Variants in CNTN5 observed in about 807,000 individuals in gnomAD.
CNTN5 encodes contactin 5, also known as contactin-5.
CNTN5 carries 77 observed loss-of-function variants against 129.1 expected under a neutral mutation model. That is an observed-to-expected ratio of 0.60 (90% CI 0.50 to 0.72). The LOEUF (loss-of-function observed/expected upper bound fraction) is 0.72, where lower values mean the gene tolerates loss of function less well. CNTN5 is among the 30% of genes least tolerant of loss of function. The probability of loss-of-function intolerance (pLI) is 0.00; values close to 1 mark genes in which losing one functional copy is unlikely to be tolerated. For missense variants in CNTN5, 1,478 were observed against 1,328.8 expected (o/e 1.11, Z -1.75); for synonymous variants, 509 against 465.6 (o/e 1.09, Z -1.20).
intron 2 of CNTN5, among the ~76,000 whole-genome samples, chr11:99,442,433 G>A (rs1034585648): frequency 6.6e-6 from 1 of 152,168 alleles, no homozygotes; most frequent in African/African-American, 2.4e-5. Context: ...GCCTCCCAAA[G>A]TGCTGGGATT....
Position 99,963,020 on chromosome 11 carries a change from G to A in CNTN5, c.877+6011G>A, listed in dbSNP as rs1157240747. On this transcript the variant is annotated intron_variant, in intron 8 of 24. Transcript: ENST00000524871. The stretch of plus-strand genomic sequence containing the variant: ...TGATGGGGTTGTTTGTTTATTTCTT[G>A]TAAATTTGTTTGAGTTCATTGTAGA... 3.3e-5 allele frequency among the ~76,000 whole-genome samples: 5 copies of A among 152,156 alleles called. No individual in the cohort carries two copies. The East Asian group carries it at 9.6e-4, about 29-fold the overall frequency.
intron 18 of CNTN5, among the ~76,000 whole-genome samples, chr11:100,295,745 A>T (rs2138877608): frequency 6.6e-6 from 1 of 151,390 alleles, no homozygotes; most frequent in East Asian, 2.0e-4. Flanking sequence ...TAGTCTTTCC[A>T]CAGAAACTTA....
intron 2 of CNTN5, among the ~76,000 whole-genome samples, chr11:99,329,652 C>T (rs1385832235): frequency 6.6e-6 from 1 of 152,116 alleles, no homozygotes. Context: ...TAGATACAGA[C>T]TTCTGCTTAG....
chr11:99,822,485 A>G (rs1183675653), intron 4 of CNTN5, among the ~76,000 whole-genome samples: 2 of 152,192 alleles, frequency 1.3e-5, no homozygotes, highest in African/African-American at 4.8e-5. Context: ...AGTATTATAT[A>G]TAATATGATA....
chr11:99,577,891 A>T (rs1280647783), intron 3 of CNTN5, among the ~76,000 whole-genome samples: 1 of 151,498 alleles, frequency 6.6e-6, no homozygotes, highest in Non-Finnish European at 1.5e-5. Flanking sequence ...GGTTTGTTAC[A>T]TATGTATACA....
At chr11:99,037,229 C>T (rs539475179) in intron 1 of CNTN5, among the ~76,000 whole-genome samples, 1 of 152,252 alleles carries the variant, frequency 6.6e-6, no homozygotes, top group Admixed American at 6.5e-5. Flanking sequence ...TTTTTTTCAC[C>T]AGACTGGTTT....
chr11:99,873,920 A>G (rs1414869131), intron 6 of CNTN5, among the ~76,000 whole-genome samples: 1 of 152,092 alleles, frequency 6.6e-6, no homozygotes, highest in Non-Finnish European at 1.5e-5. Flanking sequence ...AGCAACATGA[A>G]TGGAGTTGGA....
chr11:100,082,109 C>T (rs1433918789), intron 13 of CNTN5, among the ~76,000 whole-genome samples: 1 of 150,376 alleles, frequency 6.6e-6, no homozygotes, highest in African/African-American at 2.5e-5. Flanking sequence ...AAGTACAATA[C>T]AAAAAAATTG....
intron 2 of CNTN5, among the ~76,000 whole-genome samples, chr11:99,385,241 C>T (rs1940854301): frequency 6.6e-6 from 1 of 152,076 alleles, no homozygotes; most frequent in South Asian, 2.1e-4. Context: ...ATCTCCCAAA[C>T]TTATTTCTCT....
At chr11:99,670,518 A>G (rs1952988537) in intron 3 of CNTN5, among the ~76,000 whole-genome samples, 1 of 152,140 alleles carries the variant, frequency 6.6e-6, no homozygotes, top group African/African-American at 2.4e-5. Flanking sequence ...AGACACATAT[A>G]CTTACTCTGC....
At chr11:99,389,187 G>A (rs1174946526) in intron 2 of CNTN5, among the ~76,000 whole-genome samples, 1 of 151,782 alleles carries the variant, frequency 6.6e-6, no homozygotes, top group Admixed American at 6.6e-5. Context: ...GTGCCACCAT[G>A]CCTAGCTAAT....
intron 1 of CNTN5, among the ~76,000 whole-genome samples, chr11:99,217,700 GAGA>G (rs1021624116): frequency 9.2e-5 from 14 of 152,020 alleles, no homozygotes; most frequent in Admixed American, 1.3e-4. Flanking sequence ...GAAAATAGAA[GAGA>G]AGAAGAGAAT....
intron 1 of CNTN5, among the ~76,000 whole-genome samples, chr11:99,258,546 C>T (rs751786687): frequency 1.3e-5 from 2 of 151,962 alleles, no homozygotes; most frequent in Non-Finnish European, 2.9e-5. Flanking sequence ...ACTCCATTTA[C>T]ACAAGTTAAA....
At chr11:100,222,909 T>TA (rs1443384373) in intron 15 of CNTN5, among the ~76,000 whole-genome samples, 1 of 152,078 alleles carries the variant, frequency 6.6e-6, no homozygotes, top group Non-Finnish European at 1.5e-5. Context: ...GTGGCAAATA[T>TA]AAAAAAGCTC....
In CNTN5 at chr11:99,524,727, T is replaced by G. The variant is rs149604279; in HGVS notation, c.-70-31418T>G. On this transcript the variant is annotated intron_variant, in intron 2 of 24. Coordinates refer to ENST00000524871, the MANE Select transcript of CNTN5 (RefSeq NM_014361.4). ...CTTAGGAACAAGAATTGTGTGAACCTGGGAGGCAGAGGTTGCAGTGAGTTG... is the reference window on the plus strand; with the variant it reads ...CTTAGGAACAAGAATTGTGTGAACCGGGGAGGCAGAGGTTGCAGTGAGTTG... Among the ~76,000 whole-genome samples, 1,046 of 151,670 alleles carry G rather than the reference T, an allele frequency of 6.9e-3. 14 individuals are homozygous for G. The highest frequency in any genetic ancestry group is 0.024 in the African/African-American group (999 of 41,348).
chr11:99,772,967 C>T (rs1453911406), intron 3 of CNTN5, among the ~76,000 whole-genome samples: 1 of 151,914 alleles, frequency 6.6e-6, no homozygotes, highest in African/African-American at 2.4e-5. Flanking sequence ...TGTAAATAAG[C>T]AGCCACATAG....
At chr11:100,271,371 T>C (rs1190196783) in intron 18 of CNTN5, 130 bp downstream of exon 18, 12 of 510,406 alleles carry the variant, frequency 2.4e-5, no homozygotes, top group Non-Finnish European at 3.2e-6. Context: ...CTAAACATCA[T>C]AAAATTATTT....
chr11:99,944,027 G>A (rs1452534248), intron 7 of CNTN5, among the ~76,000 whole-genome samples: 1 of 146,302 alleles, frequency 6.8e-6, no homozygotes, highest in East Asian at 2.0e-4. Context: ...GCTCTTCTTT[G>A]GTTCCATATA....
chr11:99,217,228 T>C (rs1345829118), intron 1 of CNTN5, among the ~76,000 whole-genome samples: 1 of 150,534 alleles, frequency 6.6e-6, no homozygotes, highest in Non-Finnish European at 1.5e-5. Flanking sequence ...AATAGCTCAA[T>C]AGGAAAAAAA....
Sources: gnomAD v4.1 joint callset for allele counts (sites outside exome capture counted in the v4.1 genomes callset) on GRCh38, gnomAD v4.1.1 for gene constraint, MANE v1.5 for transcripts, NCBI Gene and HGNC (gene_info 2026-07-23, HGNC 2026-07-21) for gene names.